Variants in KCNH1 observed in about 807,000 individuals in gnomAD.
KCNH1 encodes the protein voltage-gated delayed rectifier potassium channel KCNH1.
KCNH1 carries 27 observed loss-of-function variants against 69.2 expected under a neutral mutation model. The observed-to-expected ratio is 0.39, with a 90% CI of 0.29 to 0.54. KCNH1 has a LOEUF of 0.54. Ranked by LOEUF, KCNH1 falls within the 20% of genes least tolerant of loss-of-function variation. The pLI is 0.68. For missense variants in KCNH1, 798 were observed against 1,261.6 expected (o/e 0.63, Z 5.57); for synonymous variants, 456 against 487.7 (o/e 0.93, Z 0.86).
chr1:210,849,377 T>A (rs961151677), intron 7 of KCNH1, among the ~76,000 whole-genome samples: 5 of 149,548 alleles, frequency 3.3e-5, no homozygotes, highest in African/African-American at 1.3e-4. Flanking sequence ...TTTTTTTTTT[T>A]TTTTTGAGAC....
intron 8 of KCNH1, among the ~76,000 whole-genome samples, chr1:210,800,974 T>C (rs777684005): frequency 6.6e-6 from 1 of 152,224 alleles, no homozygotes. Flanking sequence ...TGAAATTGCA[T>C]ATAGAATTCT....
chr1:210,978,219 T>C (rs1410378236), intron 6 of KCNH1, among the ~76,000 whole-genome samples: 1 of 152,022 alleles, frequency 6.6e-6, no homozygotes, highest in Non-Finnish European at 1.5e-5. Flanking sequence ...TTTGTATTTT[T>C]AGTAGAGACA....
chr1:210,741,590 T>C (rs1426853378), intron 10 of KCNH1, among the ~76,000 whole-genome samples: 3 of 152,180 alleles, frequency 2.0e-5, no homozygotes, highest in Non-Finnish European at 4.4e-5. Flanking sequence ...ACAATTGTTC[T>C]ACCCAAGCAA....
At chr1:210,941,071 C>A (rs773279517) in intron 6 of KCNH1, among the ~76,000 whole-genome samples, 1 of 152,268 alleles carries the variant, frequency 6.6e-6, no homozygotes, top group East Asian at 1.9e-4. Flanking sequence ...ACTTATCAGT[C>A]CCCTGGGCAG....
chr1:210,859,798 C>T, intron 7 of KCNH1: 2 of 1,029,668 alleles, frequency 1.9e-6, no homozygotes, highest in Non-Finnish European at 3.1e-6. Flanking sequence ...GTCATGAAGC[C>T]CCAAGAAACA....
chr1:210,911,019 T>C lies in KCNH1; in HGVS notation c.1462+8621A>G, dbSNP rs1302429042. ...GTTTTCCTACTTGCATTTGTGTAGA[T>C]TGTAAGTTAACTGTGGAGAAAATAC... On this transcript the variant is annotated intron_variant, in intron 7 of 10. Transcript: ENST00000271751. 2.0e-5 allele frequency among the ~76,000 whole-genome samples: 3 copies of C among 152,234 alleles called. No homozygotes were observed. In the East Asian group the frequency reaches 5.8e-4, roughly 29 times the overall value.
intron 6 of KCNH1, among the ~76,000 whole-genome samples, chr1:211,013,542 C>T (rs1558567871): frequency 6.6e-6 from 1 of 152,254 alleles, no homozygotes; most frequent in Non-Finnish European, 1.5e-5. Context: ...GTTCCCTCAG[C>T]TTCCAGATTC....
intron 9 of KCNH1, among the ~76,000 whole-genome samples, chr1:210,780,427 T>G (rs1166011632): frequency 2.0e-5 from 3 of 151,942 alleles, no homozygotes; most frequent in African/African-American, 7.3e-5. Context: ...CCAAACCAAT[T>G]AAAAAAAATT....
chr1:210,834,952 G>T (rs1165779922), intron 7 of KCNH1, among the ~76,000 whole-genome samples: 1 of 152,108 alleles, frequency 6.6e-6, no homozygotes, highest in Non-Finnish European at 1.5e-5. Context: ...CTATAGCTAA[G>T]ACAGCTACCT....
chr1:210,859,300 A>G (rs1685922950), intron 7 of KCNH1: 2 of 1,549,520 alleles, frequency 1.3e-6, no homozygotes, highest in Non-Finnish European at 1.8e-6. Context: ...GATTGGCCAG[A>G]GTTACTGTGT....
intron 5 of KCNH1, among the ~76,000 whole-genome samples, chr1:211,030,562 A>G (rs954477736): frequency 3.9e-5 from 6 of 152,208 alleles, no homozygotes; most frequent in African/African-American, 1.4e-4. Flanking sequence ...ATAAGCCAGA[A>G]AAGGAACCAG....
intron 3 of KCNH1, among the ~76,000 whole-genome samples, chr1:211,092,192 G>A (rs4951503): frequency 0.079 from 12,017 of 152,192 alleles, 715 homozygotes; most frequent in South Asian, 0.17. Context: ...ACTGAATCTT[G>A]GAGACGAAAA....
At chr1:210,988,613 T>A (rs1413132280) in intron 6 of KCNH1, among the ~76,000 whole-genome samples, 2 of 152,192 alleles carry the variant, frequency 1.3e-5, no homozygotes, top group Admixed American at 6.5e-5. Flanking sequence ...TATTTGAAAG[T>A]ATTGCCCCAA....
chr1:210,900,302 G>C (rs1686967792), intron 7 of KCNH1, among the ~76,000 whole-genome samples: 1 of 152,214 alleles, frequency 6.6e-6, no homozygotes, highest in Non-Finnish European at 1.5e-5. Context: ...ATCATCCCCG[G>C]TGCTCCTATC....
At position 210,863,935 on chromosome 1, in the gene KCNH1, A is replaced by C. The variant is rs542790519; in HGVS notation, c.1462+55705T>G. On this transcript the variant is annotated intron_variant, in intron 7 of 10. Coordinates refer to ENST00000271751, the MANE Select transcript of KCNH1 (RefSeq NM_172362.3). ...TAGTTTTTGGAGCTCCCGATCATAC[A>C]AGCACATGCACCCTTCTCAGGAGAG... Among the ~76,000 whole-genome samples, 195 of 151,586 alleles carry C rather than the reference A, an allele frequency of 1.3e-3. 2 individuals are homozygous for C. Among genetic ancestry groups the C allele is most frequent in the Non-Finnish European group, 1.6e-3 (108 of 67,954 alleles).
rs560916561 is a variant in KCNH1, at chr1:211,106,522, C to T, written c.203+732G>A. 1.6e-4 allele frequency among the ~76,000 whole-genome samples: 24 copies of T among 152,176 alleles called. No homozygotes were observed. The Middle Eastern group carries it at 0.014, about 86-fold the overall frequency. ...GGCTGAGGCCAGGCATGGTGGCTCA[C>T]GCCTATAATCCAGCACTTTGGGAGG... On this transcript the variant is annotated intron_variant, in intron 2 of 10. Coordinates refer to ENST00000271751, the MANE Select transcript of KCNH1 (RefSeq NM_172362.3).
chr1:210,930,786 T>C (rs756727444), intron 6 of KCNH1, among the ~76,000 whole-genome samples: 23 of 152,158 alleles, frequency 1.5e-4, no homozygotes, highest in Non-Finnish European at 2.5e-4. Flanking sequence ...AATCTATACA[T>C]CTGACAGAGG....
intron 5 of KCNH1, among the ~76,000 whole-genome samples, chr1:211,068,453 T>TGG (rs1191326547): frequency 6.6e-6 from 1 of 152,170 alleles, no homozygotes; most frequent in Non-Finnish European, 1.5e-5. Context: ...TGGAGTGCAG[T>TGG]GGCACAATCT....
chr1:210,996,350 T>G (rs1235742574), intron 6 of KCNH1, among the ~76,000 whole-genome samples: 1 of 152,218 alleles, frequency 6.6e-6, no homozygotes, highest in Non-Finnish European at 1.5e-5. Flanking sequence ...GGCACCTGGT[T>G]CGGAGGGTCC....
Sources: allele counts gnomAD v4.1 joint callset (sites outside exome capture counted in the v4.1 genomes callset), GRCh38; gene constraint gnomAD v4.1.1; transcripts MANE v1.5; gene names NCBI Gene and HGNC (gene_info 2026-07-23, HGNC 2026-07-21).